The following DOT1L variants were observed in gnomAD, a reference collection of about 807,000 sequenced individuals.
DOT1L encodes the protein histone-lysine N-methyltransferase, H3 lysine-79 specific.
In DOT1L, 33 loss-of-function variants were observed where a neutral mutation model predicts 153.3. That is an observed-to-expected ratio of 0.22 (90% confidence interval 0.16 to 0.29). The LOEUF (loss-of-function observed/expected upper bound fraction) is 0.29. DOT1L is among the 10% of genes least tolerant of loss of function. The pLI is 1.00. For synonymous variants in DOT1L, 1,135 were observed against 965.1 expected, an observed-to-expected ratio of 1.18 and a Z score of -3.26; for missense variants, 1,847 against 2,119.9, an observed-to-expected ratio of 0.87 and a Z score of 2.53.
In DOT1L at chr19:2,231,313, G is replaced by A. The variant is rs1266741990; in HGVS notation, c.*1521G>A. ...AAGGTGCCACAGATCCACCCTCCAG[G>A]GAGCTGCCAGCCCTGTGTTCTGGTT... is the stretch of plus-strand genomic sequence containing the variant. On this transcript the variant is annotated 3_prime_UTR_variant, in exon 28 of 28. Transcript: ENST00000398665. The A allele has an allele frequency of 4.6e-6, 1 of 218,018 alleles. No individual in the cohort carries two copies. The highest frequency in any genetic ancestry group is 9.2e-6 in the Non-Finnish European group (1 of 108,478). The allele number at this position is 218,018 out of a possible 1,614,324, so 13.5% of individuals were successfully genotyped here. A position where few individuals can be genotyped will look rare whatever the true frequency, so the allele number is the denominator to read the frequency against.
intron 1 of DOT1L, among the ~76,000 whole-genome samples, chr19:2,172,005 A>G (rs537423916): frequency 6.6e-6 from 1 of 152,142 alleles, no homozygotes; most frequent in Admixed American, 6.6e-5. Context: ...ACAGATGGTC[A>G]CATTGTGCAA....
In DOT1L at chr19:2,226,852, T is replaced by G. The variant is rs1344648941; in HGVS notation, c.4331T>G (p.Leu1444Arg). The G allele has an allele frequency of 6.3e-7, 1 of 1,578,724 alleles. No individual in the cohort carries two copies. The highest frequency in any genetic ancestry group is 8.5e-7 in the Non-Finnish European group (1 of 1,170,970). ...GGAAGCCTCCTCAGCGGCCCCGGCC[T>G]GGCCCCGGCGGCGTCCTCCGCAGGC... is the stretch of plus-strand genomic sequence containing the variant. ...PPGSLLSGPG[L>R]APAASSAGGA... Residue 1444 changes from leucine to arginine, a missense_variant, in exon 27 of 28, where the codon CTG becomes CGG. By Grantham distance (102) the Leu-to-Arg change is moderately radical. Around this residue, in one of 8 missense-constraint regions of DOT1L, gnomAD observed 934 missense variants for 825.3 expected, o/e 1.13. Coordinates refer to ENST00000398665, the MANE Select transcript of DOT1L (RefSeq NM_032482.3).
intron 3 of DOT1L, among the ~76,000 whole-genome samples, chr19:2,186,165 T>C (rs1423185270): frequency 2.0e-5 from 3 of 152,252 alleles, no homozygotes; most frequent in Non-Finnish European, 4.4e-5. Flanking sequence ...GAAAGTGGGA[T>C]TGGCATGTGT....
intron 24 of DOT1L, 63 bp from the exon 25 acceptor site, chr19:2,223,218 G>C: frequency 6.4e-7 from 1 of 1,571,582 alleles, no homozygotes; most frequent in Admixed American, 1.7e-5. Flanking sequence ...GGGCGGGGGG[G>C]CTCTCCTGCC....
intron 2 of DOT1L, among the ~76,000 whole-genome samples, chr19:2,183,055 C>T (rs1056879974): frequency 2.0e-5 from 3 of 152,188 alleles, no homozygotes; most frequent in South Asian, 4.1e-4. Context: ...AGGGTTCTCA[C>T]GGTGTGGCTG....
chr19:2,196,964 T>C (rs12973409), intron 7 of DOT1L, among the ~76,000 whole-genome samples: 69,982 of 151,874 alleles, frequency 0.46, 16,394 homozygotes, highest in Middle Eastern at 0.53. Flanking sequence ...CTGTGGTTTC[T>C]GTTCCTCACC....
Position 2,177,299 on chromosome 19 carries a change from A to AT in DOT1L, c.82-3402dup, listed in dbSNP as rs879317899. On this transcript the variant is annotated intron_variant, in intron 1 of 27. Coordinates refer to ENST00000398665, the MANE Select transcript of DOT1L (RefSeq NM_032482.3). ...CACGCAGTCAAATCACGCAGGAACA[A>AT]TTTTTTTTTTTTGGGAGAAAAAGTT... Among the ~76,000 whole-genome samples, 43 of 146,472 alleles carry AT rather than the reference A, an allele frequency of 2.9e-4. 1 individual carries two copies. The highest frequency in any genetic ancestry group is 1.3e-3 in the South Asian group (6 of 4,646).
At position 2,214,458 on chromosome 19, in the gene DOT1L, C is replaced by G; in HGVS notation, c.1798-13C>G. On this transcript the variant is annotated splice_polypyrimidine_tract_variant and intron_variant, in intron 18 of 27. Transcript: ENST00000398665. ...GCCAGCCAGTCGCAACTGTCCCATC[C>G]CTATCCCCTCAGCTCAAGGCTCGCT... 6.2e-7 allele frequency: 1 copy of G among 1,612,184 alleles called. No individual in the cohort carries two copies. The highest frequency in any genetic ancestry group is 2.2e-5 in the East Asian group (1 of 44,874).
At chr19:2,210,259 C>T in intron 12 of DOT1L, 141 bp from the exon 13 acceptor site, 1 of 795,300 alleles carries the variant, frequency 1.3e-6, no homozygotes, top group Non-Finnish European at 1.9e-6. Flanking sequence ...GCCTCAGTTT[C>T]CTGATTTGTG....
intron 3 of DOT1L, 84 bp from the exon 4 acceptor site, chr19:2,189,648 C>T: frequency 6.6e-7 from 1 of 1,507,204 alleles, no homozygotes; most frequent in South Asian, 1.1e-5. Flanking sequence ...CACCTTGGAG[C>T]CTGCCTTATC....
At chr19:2,214,086 C>T in intron 18 of DOT1L, 100 bp downstream of exon 18, 2 of 1,489,376 alleles carry the variant, frequency 1.3e-6, no homozygotes, top group Non-Finnish European at 1.8e-6. Flanking sequence ...AGGCCCGCCT[C>T]TGTTGTGGGG....
In DOT1L at chr19:2,226,925, C is replaced by A. The variant is rs748880740; in HGVS notation, c.4404C>A (p.Phe1468Leu). The change falls in exon 27 of 28, where the codon TTC (phenylalanine) becomes TTA (leucine). Residue 1468 changes from phenylalanine to leucine, a missense_variant. Physicochemically the swap from Phe to Leu is conservative, Grantham distance 22. Coordinates refer to ENST00000398665, the MANE Select transcript of DOT1L (RefSeq NM_032482.3). ...AQTHRSFLGP[F>L]PPGPQFALGP... The stretch of plus-strand genomic sequence containing the variant: ...CGCACCGGTCCTTCCTGGGCCCCTT[C>A]CCGCCGGGACCGCAGTTCGCGCTCG... The A allele has an allele frequency of 1.3e-6, 2 of 1,581,228 alleles. No individual in the cohort carries two copies. The highest frequency in any genetic ancestry group is 1.7e-6 in the Non-Finnish European group (2 of 1,172,480).
At chr19:2,181,891 T>A (rs974430709) in intron 2 of DOT1L, among the ~76,000 whole-genome samples, 6 of 152,272 alleles carry the variant, frequency 3.9e-5, no homozygotes, top group Admixed American at 3.9e-4. Flanking sequence ...GGCGTGGGCC[T>A]CTGTGGGTGC....
chr19:2,200,952 C>T (rs1269441355), intron 8 of DOT1L, among the ~76,000 whole-genome samples: 31 of 145,274 alleles, frequency 2.1e-4, no homozygotes, highest in African/African-American at 7.8e-4. Flanking sequence ...CATTCCTCGT[C>T]CTCCCCGCAT....
chr19:2,188,865 T>C (rs1441617666), intron 3 of DOT1L, among the ~76,000 whole-genome samples: 4 of 152,146 alleles, frequency 2.6e-5, no homozygotes, highest in Non-Finnish European at 4.4e-5. Flanking sequence ...CGGAAGCCCC[T>C]CTGAGCCCAG....
At chr19:2,173,231 C>T (rs765729345) in intron 1 of DOT1L, among the ~76,000 whole-genome samples, 6 of 152,030 alleles carry the variant, frequency 3.9e-5, no homozygotes, top group African/African-American at 1.2e-4. Context: ...ACGAGTCCCG[C>T]GCTTTCCTCC....
chr19:2,202,191 A>C (rs890582315), intron 8 of DOT1L, among the ~76,000 whole-genome samples: 5 of 152,202 alleles, frequency 3.3e-5, no homozygotes, highest in Non-Finnish European at 7.3e-5. Flanking sequence ...CTGGGCCTGC[A>C]GGGGAGCCTC....
intron 7 of DOT1L, among the ~76,000 whole-genome samples, chr19:2,196,563 C>G (rs2023028576): frequency 6.6e-6 from 1 of 152,174 alleles, no homozygotes; most frequent in Non-Finnish European, 1.5e-5. Flanking sequence ...AAATTCCTGA[C>G]CTCGTGATCC....
In DOT1L at chr19:2,190,927, C is replaced by T. The variant is rs1176751095; in HGVS notation, c.265-85C>T. ...GGCCATGCAGCCGACTCCCTGCTTC[C>T]GCTGGGAAAGGTCCCGGGTCTTGGT... is the stretch of plus-strand genomic sequence containing the variant. On this transcript the variant is annotated intron_variant, in intron 4 of 27. Transcript: ENST00000398665. The surrounding 1 kb of genome is among the most constrained non-coding windows in gnomAD (Gnocchi z 4.8). 6.4e-5 allele frequency: 84 copies of T among 1,317,242 alleles called. 1 individual carries two copies. Among genetic ancestry groups the T allele is most frequent in the South Asian group, 3.8e-4 (29 of 76,402 alleles). 81.6% of individuals were successfully genotyped at this position (1,317,242 alleles called of 1,614,324 possible). A position where few individuals can be genotyped will look rare whatever the true frequency, so the allele number is the denominator to read the frequency against.
Sources: allele counts gnomAD v4.1 joint callset (sites outside exome capture counted in the v4.1 genomes callset), GRCh38; gene constraint gnomAD v4.1.1; regional missense constraint gnomAD v4.1.1; non-coding constraint Gnocchi (gnomAD v3.1); transcripts MANE v1.5; gene names NCBI Gene and HGNC (gene_info 2026-07-23, HGNC 2026-07-21).